LHFPL3: variants seen among roughly 807,000 people sequenced by gnomAD.
LHFPL3 encodes the protein LHFPL tetraspan subfamily member 3 protein.
In LHFPL3, 5 loss-of-function variants were observed where a neutral mutation model predicts 19.3. The observed-to-expected ratio is 0.26, with a 90% CI of 0.14 to 0.54. The LOEUF is 0.54. Among genes scored for constraint, LHFPL3 ranks in the 20% least tolerant of loss-of-function variants. LHFPL3 has a pLI of 0.94. For synonymous variants in LHFPL3, 133 were observed against 126.2 expected (o/e 1.05, Z -0.36); for missense variants, 249 against 307.4 (o/e 0.81, Z 1.42).
intron 2 of LHFPL3, among the ~76,000 whole-genome samples, chr7:104,862,864 C>T (rs1046216336): frequency 2.0e-5 from 3 of 152,164 alleles, no homozygotes; most frequent in African/African-American, 7.2e-5. Flanking sequence ...CCCTAGCTGC[C>T]GAGTCGGAGC....
At chr7:104,500,068 T>G (rs947089541) in intron 1 of LHFPL3, among the ~76,000 whole-genome samples, 40 of 152,320 alleles carry the variant, frequency 2.6e-4, no homozygotes, top group African/African-American at 9.1e-4. Flanking sequence ...CCTACTGATG[T>G]GATGTCTGTT....
chr7:104,376,740 G>A (rs1388859252), intron 1 of LHFPL3, among the ~76,000 whole-genome samples: 1 of 152,172 alleles, frequency 6.6e-6, no homozygotes, highest in East Asian at 1.9e-4. Flanking sequence ...TGGGCTGGGA[G>A]CAAGCCTTGG....
At chr7:104,668,526 A>G (rs1241754166) in intron 1 of LHFPL3, 4 of 1,613,276 alleles carry the variant, frequency 2.5e-6, no homozygotes, top group Non-Finnish European at 3.4e-6. Context: ...CCGAGGCAGC[A>G]GAGACTATGA....
chr7:104,554,204 G>T (rs1794714833), intron 1 of LHFPL3, among the ~76,000 whole-genome samples: 1 of 151,894 alleles, frequency 6.6e-6, no homozygotes, highest in Non-Finnish European at 1.5e-5. Context: ...CTTTTTTGTG[G>T]ATTTGTTTGT....
rs1489592985 is a variant in LHFPL3, at chr7:104,878,937, G to GT, written c.683-27248dup. Among the ~76,000 whole-genome samples, 3 of 152,178 alleles carry GT rather than the reference G, an allele frequency of 2.0e-5. No homozygotes were observed. The East Asian group carries it at 5.8e-4, about 29-fold the overall frequency. ...TTTTTCTGATATAGAAAAGCTTCTAGTTGTCTAGATAGATCAAACTAACTA... is the reference window on the plus strand; with the variant it reads ...TTTTTCTGATATAGAAAAGCTTCTAGTTTGTCTAGATAGATCAAACTAACTA... On this transcript the variant is annotated intron_variant, in intron 2 of 2. Coordinates refer to ENST00000424859, the MANE Select transcript of LHFPL3 (RefSeq NM_199000.3).
At chr7:104,897,744 A>C (rs1337599033) in intron 2 of LHFPL3, among the ~76,000 whole-genome samples, 2 of 152,194 alleles carry the variant, frequency 1.3e-5, no homozygotes, top group East Asian at 1.9e-4. Context: ...TGCAAAAGAC[A>C]ATCCTTTCTA....
At chr7:104,336,952 A>G (rs1562867937) in intron 1 of LHFPL3, among the ~76,000 whole-genome samples, 4 of 152,204 alleles carry the variant, frequency 2.6e-5, no homozygotes, top group African/African-American at 7.2e-5. Context: ...GCCCTGTTAG[A>G]GAACAATGGC....
intron 1 of LHFPL3, among the ~76,000 whole-genome samples, chr7:104,593,904 G>C (rs760694444): frequency 4.0e-5 from 6 of 151,824 alleles, no homozygotes; most frequent in African/African-American, 1.5e-4. Flanking sequence ...TTGGTAGATC[G>C]TCCTCCATCC....
At chr7:104,512,773 T>G (rs188997837) in intron 1 of LHFPL3, among the ~76,000 whole-genome samples, 12 of 151,248 alleles carry the variant, frequency 7.9e-5, no homozygotes, top group African/African-American at 2.7e-4. Flanking sequence ...AGAAAGAAAG[T>G]AGGACACAGG....
intron 1 of LHFPL3, among the ~76,000 whole-genome samples, chr7:104,557,456 T>C (rs1361042452): frequency 6.6e-6 from 1 of 152,098 alleles, no homozygotes; most frequent in Non-Finnish European, 1.5e-5. Context: ...TCATTCACTA[T>C]CATGAGAACA....
intron 1 of LHFPL3, among the ~76,000 whole-genome samples, chr7:104,364,760 G>A (rs1790452969): frequency 6.6e-6 from 1 of 152,224 alleles, no homozygotes; most frequent in Non-Finnish European, 1.5e-5. Flanking sequence ...AATGAAACCA[G>A]GAGCACGTCA....
intron 1 of LHFPL3, among the ~76,000 whole-genome samples, chr7:104,502,560 A>C (rs941077548): frequency 6.6e-6 from 1 of 152,196 alleles, no homozygotes; most frequent in African/African-American, 2.4e-5. Flanking sequence ...TTCTCGAGCT[A>C]CATGAAGATT....
chr7:104,806,674 T>C (rs549815589), intron 2 of LHFPL3, among the ~76,000 whole-genome samples: 2 of 152,204 alleles, frequency 1.3e-5, no homozygotes, highest in African/African-American at 2.4e-5. Flanking sequence ...AATTCTAGAA[T>C]GAAGATTAAT....
chr7:104,341,907 A>C (rs1361205739), intron 1 of LHFPL3, among the ~76,000 whole-genome samples: 1 of 152,102 alleles, frequency 6.6e-6, no homozygotes, highest in Non-Finnish European at 1.5e-5. Context: ...AATAAAAAAA[A>C]GGATTCATCA....
intron 1 of LHFPL3, among the ~76,000 whole-genome samples, chr7:104,588,097 C>T (rs1375631261): frequency 2.0e-5 from 3 of 152,132 alleles, no homozygotes; most frequent in Non-Finnish European, 4.4e-5. Flanking sequence ...CTTTCTTTTG[C>T]TGTGCAAAAG....
rs1266942573 is a variant in LHFPL3 at position 104,861,242 on chromosome 7, A to G, written c.683-44945A>G. On this transcript the variant is annotated intron_variant, in intron 2 of 2. Transcript: ENST00000424859. ...AAACATTTTGCCCCCCTAAGAGGAC[A>G]TAAGACAGAGATAAAGGGCACAAGG... 3.9e-5 allele frequency among the ~76,000 whole-genome samples: 6 copies of G among 152,252 alleles called. No homozygotes were observed. The South Asian group carries it at 6.2e-4, about 16-fold the overall frequency.
At chr7:104,730,619 G>T (rs1413227112) in intron 1 of LHFPL3, among the ~76,000 whole-genome samples, 2 of 151,934 alleles carry the variant, frequency 1.3e-5, no homozygotes, top group East Asian at 3.9e-4. Flanking sequence ...AAATTTGTTT[G>T]AGTTCTTTGT....
At chr7:104,874,064 T>C (rs1791887479) in intron 2 of LHFPL3, among the ~76,000 whole-genome samples, 1 of 152,190 alleles carries the variant, frequency 6.6e-6, no homozygotes. Context: ...ATAGGAGGCA[T>C]ACCCAGAAAT....
intron 2 of LHFPL3, among the ~76,000 whole-genome samples, chr7:104,790,228 C>A (rs1458987184): frequency 6.6e-6 from 1 of 152,148 alleles, no homozygotes; most frequent in Non-Finnish European, 1.5e-5. Flanking sequence ...CATAGCCTGA[C>A]CTTCTGTTTA....
Sources: gnomAD v4.1 joint callset for allele counts (sites outside exome capture counted in the v4.1 genomes callset) on GRCh38, gnomAD v4.1.1 for gene constraint, MANE v1.5 for transcripts, NCBI Gene and HGNC (gene_info 2026-07-23, HGNC 2026-07-21) for gene names.